TCF7L1: variants seen among roughly 807,000 people sequenced by gnomAD.
The protein encoded by TCF7L1 is transcription factor 7 like 1, also known as transcription factor 7-like 1.
A neutral mutation model predicts 63.7 loss-of-function variants in TCF7L1; 18 were observed. That is an observed-to-expected ratio of 0.28 (90% CI 0.20 to 0.42). The LOEUF is 0.42. Ranked by LOEUF, TCF7L1 falls within the 10% of genes least tolerant of loss-of-function variation. The probability of loss-of-function intolerance (pLI) is 1.00; values close to 1 mark genes in which losing one functional copy is unlikely to be tolerated. For missense variants in TCF7L1, 654 were observed against 779.3 expected, an observed-to-expected ratio of 0.84 and a Z score of 1.91; for synonymous variants, 355 against 340.9, an observed-to-expected ratio of 1.04 and a Z score of -0.46.
rs557562004 is a variant in TCF7L1, at chr2:85,139,500, G to A, written c.441+5050G>A. ...TAATAAGAAGTTAAGAGGTAGTAAA[G>A]TCTGGAGAAGCATTTTCATAATAGA... On this transcript the variant is annotated intron_variant, in intron 3 of 11. Coordinates refer to ENST00000282111, the MANE Select transcript of TCF7L1 (RefSeq NM_031283.3). Among the ~76,000 whole-genome samples the A allele has an allele frequency of 1.6e-4, 24 of 152,344 alleles. No homozygotes were observed. In the South Asian group the frequency reaches 5.0e-3, roughly 32 times the overall value.
chr2:85,181,411 G>A (rs1678803639), intron 3 of TCF7L1, among the ~76,000 whole-genome samples: 1 of 152,224 alleles, frequency 6.6e-6, no homozygotes, highest in Non-Finnish European at 1.5e-5. Flanking sequence ...AGGTACGGGT[G>A]TGCCTCCCTG....
intron 3 of TCF7L1, among the ~76,000 whole-genome samples, chr2:85,144,719 CTGTG>C (rs772295408): frequency 0.033 from 4,575 of 140,506 alleles, 100 homozygotes; most frequent in Non-Finnish European, 0.051. Flanking sequence ...CTCTCTCTCT[CTGTG>C]TGTGTGTGTG....
At position 85,305,296 on chromosome 2, in the gene TCF7L1, TCCTGCCCACCCTGG is replaced by T; in HGVS notation, c.893_906del (p.Pro298LeufsTer65). On this transcript the variant is annotated frameshift_variant, in exon 8 of 12. Coordinates refer to ENST00000282111, the MANE Select transcript of TCF7L1 (RefSeq NM_031283.3). LOFTEE classifies it high-confidence loss of function. ...GTCGGTTCTCTCCTCACATGGTGGC[TCCTGCCCACCCTGG>T]CCTGCCCACCTCAGGGATCCCCCAC... 6.2e-7 allele frequency: 1 copy of T among 1,614,002 alleles called. No individual in the cohort carries two copies. Among genetic ancestry groups the T allele is most frequent in the Non-Finnish European group, 8.5e-7 (1 of 1,179,984 alleles).
intron 3 of TCF7L1, among the ~76,000 whole-genome samples, chr2:85,173,733 A>G (rs965731765): frequency 2.1e-5 from 3 of 144,950 alleles, no homozygotes; most frequent in African/African-American, 7.7e-5. Flanking sequence ...TGCATTCCAT[A>G]GAATTCATTC....
At chr2:85,168,929 A>G (rs1574088331) in intron 3 of TCF7L1, among the ~76,000 whole-genome samples, 2 of 152,114 alleles carry the variant, frequency 1.3e-5, no homozygotes, top group African/African-American at 4.8e-5. Context: ...TCTAAATATG[A>G]TTTTTGAAAC....
intron 3 of TCF7L1, among the ~76,000 whole-genome samples, chr2:85,222,060 G>A (rs1337268141): frequency 1.3e-5 from 2 of 152,256 alleles, no homozygotes; most frequent in South Asian, 2.1e-4. Context: ...GACTAAAGGT[G>A]GCCAGATGCG....
chr2:85,182,977 C>A (rs1358868692), intron 3 of TCF7L1, among the ~76,000 whole-genome samples: 1 of 152,186 alleles, frequency 6.6e-6, no homozygotes, highest in Admixed American at 6.6e-5. Context: ...CACTGAGAAT[C>A]CCCGCTCTAG....
intron 3 of TCF7L1, among the ~76,000 whole-genome samples, chr2:85,276,888 C>T (rs571246669): frequency 1.2e-4 from 19 of 152,186 alleles, no homozygotes; most frequent in South Asian, 6.2e-4. Flanking sequence ...TTCTCGAGAG[C>T]GACAGACTCA....
chr2:85,300,190 CT>C (rs954809264), intron 4 of TCF7L1, among the ~76,000 whole-genome samples: 15 of 151,882 alleles, frequency 9.9e-5, no homozygotes, highest in African/African-American at 3.4e-4. Flanking sequence ...TCTATTTAGC[CT>C]TTTTTTAAAT....
At chr2:85,257,235 C>T (rs989189765) in intron 3 of TCF7L1, among the ~76,000 whole-genome samples, 6 of 152,002 alleles carry the variant, frequency 3.9e-5, no homozygotes, top group African/African-American at 1.5e-4. Flanking sequence ...GAGCCGCACA[C>T]GAGATTTGTG....
At chr2:85,185,959 G>GTTT (rs1678911326) in intron 3 of TCF7L1, among the ~76,000 whole-genome samples, 1 of 135,488 alleles carries the variant, frequency 7.4e-6, no homozygotes, top group African/African-American at 3.2e-5. Flanking sequence ...CAACACAGGG[G>GTTT]ATTTTTTTTT....
intron 3 of TCF7L1, among the ~76,000 whole-genome samples, chr2:85,260,636 C>T (rs1680837937): frequency 7.7e-6 from 1 of 129,776 alleles, no homozygotes; most frequent in Non-Finnish European, 1.8e-5. Flanking sequence ...AGAGTGAGAC[C>T]CTATCTCAAA....
chr2:85,145,172 A>G (rs905677858), intron 3 of TCF7L1, among the ~76,000 whole-genome samples: 4 of 152,114 alleles, frequency 2.6e-5, no homozygotes, highest in Non-Finnish European at 5.9e-5. Context: ...GGCTTATGAT[A>G]TGGTTGACAG....
At chr2:85,160,968 G>A (rs988992179) in intron 3 of TCF7L1, among the ~76,000 whole-genome samples, 1 of 152,222 alleles carries the variant, frequency 6.6e-6, no homozygotes, top group African/African-American at 2.4e-5. Flanking sequence ...GGCTGTCGGG[G>A]TCTGTCCGTG....
intron 3 of TCF7L1, among the ~76,000 whole-genome samples, chr2:85,282,089 G>T (rs1051138079): frequency 6.6e-6 from 1 of 152,156 alleles, no homozygotes; most frequent in African/African-American, 2.4e-5. Context: ...CCAGACTCAA[G>T]CGATTCTCCT....
intron 3 of TCF7L1, among the ~76,000 whole-genome samples, chr2:85,246,730 C>T (rs974990497): frequency 1.3e-5 from 2 of 152,012 alleles, no homozygotes; most frequent in African/African-American, 4.8e-5. Context: ...AGCAGAATTG[C>T]AATCCTAAGG....
chr2:85,222,549 C>T (rs775183656), intron 3 of TCF7L1, among the ~76,000 whole-genome samples: 17 of 147,266 alleles, frequency 1.2e-4, no homozygotes, highest in Non-Finnish European at 2.1e-4. Flanking sequence ...ATGCACCTGT[C>T]GTCCCAGCTA....
rs1682233747 is a variant in TCF7L1, at chr2:85,309,780, TTC to T, written c.*320_*321del. 2 of 279,406 alleles carry T rather than the reference TTC, an allele frequency of 7.2e-6. No individual in the cohort carries two copies. The highest frequency in any genetic ancestry group is 5.1e-5 in the Admixed American group (1 of 19,632). 17.3% of individuals were successfully genotyped at this position (279,406 alleles called of 1,614,324 possible). ...TTCTCTCTCTTACCTCTCTTGCACT[TTC>T]TGTCTCCTGTCTCTTCTCGCCCCTG... On this transcript the variant is annotated 3_prime_UTR_variant, in exon 12 of 12. Coordinates refer to ENST00000282111, the MANE Select transcript of TCF7L1 (RefSeq NM_031283.3).
chr2:85,176,324 C>A (rs1031153411), intron 3 of TCF7L1, among the ~76,000 whole-genome samples: 3 of 152,204 alleles, frequency 2.0e-5, no homozygotes, highest in African/African-American at 7.2e-5. Context: ...TCTGGAAGCA[C>A]CTGAGCTCCC....
Sources: gnomAD v4.1 joint callset for allele counts (sites outside exome capture counted in the v4.1 genomes callset) on GRCh38, gnomAD v4.1.1 for gene constraint, MANE v1.5 for transcripts, NCBI Gene and HGNC (gene_info 2026-07-23, HGNC 2026-07-21) for gene names.